The following RBFOX3 variants were observed in gnomAD, a reference collection of about 807,000 sequenced individuals.
The protein encoded by RBFOX3 is RNA binding fox-1 homolog 3.
Under a neutral mutation model 48.7 loss-of-function variants are expected in RBFOX3, and 17 were observed. The observed-to-expected ratio is 0.35, with a 90% confidence interval of 0.24 to 0.52. The LOEUF is 0.52. Among genes scored for constraint, RBFOX3 ranks in the 20% least tolerant of loss-of-function variants. RBFOX3 has a pLI of 0.94. For synonymous variants in RBFOX3, 212 were observed against 209.5 expected (o/e 1.01, Z -0.10); for missense variants, 382 against 497.5 (o/e 0.77, Z 2.21).
chr17:79,595,315 C>T (rs2093539574), intron 1 of RBFOX3, among the ~76,000 whole-genome samples: 1 of 152,218 alleles, frequency 6.6e-6, no homozygotes, highest in African/African-American at 2.4e-5. Flanking sequence ...CACTGAGGCC[C>T]ACCGTGCCCC....
intron 3 of RBFOX3, among the ~76,000 whole-genome samples, chr17:79,302,722 T>C (rs1231557906): frequency 2.6e-5 from 4 of 152,186 alleles, no homozygotes. Flanking sequence ...TGATACCAAG[T>C]CCCAGGCTTC....
intron 4 of RBFOX3, among the ~76,000 whole-genome samples, chr17:79,224,433 TG>T (rs1182538224): frequency 1.3e-5 from 2 of 152,220 alleles, no homozygotes; most frequent in African/African-American, 2.4e-5. Context: ...TTTCCTCCTC[TG>T]GGCACACAGC....
At chr17:79,380,892 C>T (rs1052694164) in intron 2 of RBFOX3, among the ~76,000 whole-genome samples, 8 of 152,132 alleles carry the variant, frequency 5.3e-5, no homozygotes, top group African/African-American at 1.7e-4. Flanking sequence ...CATTGCTGCC[C>T]CAAGACCAGC....
chr17:79,517,895 A>G (rs2085483118), intron 1 of RBFOX3, among the ~76,000 whole-genome samples: 2 of 152,058 alleles, frequency 1.3e-5, no homozygotes, highest in East Asian at 1.9e-4. Context: ...CAGATCCCTC[A>G]CCTTCTTGAA....
the RBFOX3 span, among the ~76,000 whole-genome samples, chr17:79,642,883 G>A: frequency 7.2e-5 from 11 of 152,226 alleles, no homozygotes; most frequent in African/African-American, 2.2e-4. Flanking sequence ...AATATAGATC[G>A]AGCACTTTTT....
chr17:79,414,915 C>A (rs544881827), intron 2 of RBFOX3, among the ~76,000 whole-genome samples: 3 of 152,228 alleles, frequency 2.0e-5, no homozygotes, highest in Non-Finnish European at 4.4e-5. Context: ...GCCAGGGCAG[C>A]GGGAGGGGCC....
At chr17:79,452,287 C>T (rs782139962) in intron 2 of RBFOX3, among the ~76,000 whole-genome samples, 3 of 152,108 alleles carry the variant, frequency 2.0e-5, no homozygotes, top group Non-Finnish European at 2.9e-5. Context: ...ATCGGCAGTG[C>T]AGGATGGAGG....
At chr17:79,399,009 T>C (rs938048250) in intron 2 of RBFOX3, among the ~76,000 whole-genome samples, 2 of 152,150 alleles carry the variant, frequency 1.3e-5, no homozygotes, top group African/African-American at 4.8e-5. Flanking sequence ...AAACACCGTG[T>C]GAAGACATGC....
At position 79,476,618 on chromosome 17, in the gene RBFOX3, G is replaced by T. The variant is rs868947621; in HGVS notation, c.-175+5836C>A. Among the ~76,000 whole-genome samples the T allele has an allele frequency of 8.2e-3, 1,245 of 152,314 alleles. 24 individuals carry two copies. The highest frequency in any genetic ancestry group is 0.029 in the African/African-American group (1,192 of 41,560). On this transcript the variant is annotated intron_variant, in intron 2 of 14. Transcript: ENST00000693108. ...CCCTTGAAGGGGAAAGGAAAGAGGG[G>T]ATAAGGCATCTCTGATGTCTTCTCA...
intron 3 of RBFOX3, among the ~76,000 whole-genome samples, chr17:79,237,852 G>C (rs140808923): frequency 0.011 from 1,669 of 152,348 alleles, 16 homozygotes; most frequent in Admixed American, 0.017. Flanking sequence ...AGGTGTGATT[G>C]GAAGGCACTG....
chr17:79,146,066 C>T (rs563250993), intron 4 of RBFOX3, among the ~76,000 whole-genome samples: 75 of 152,228 alleles, frequency 4.9e-4, no homozygotes, highest in Middle Eastern at 3.4e-3. Context: ...AATCTAATGC[C>T]GCTGCTGATC....
chr17:79,596,724 C>CAGAT (rs1485156483), intron 1 of RBFOX3, among the ~76,000 whole-genome samples: 3 of 151,978 alleles, frequency 2.0e-5, no homozygotes, highest in Admixed American at 6.5e-5. Context: ...GAGCTGCAGA[C>CAGAT]GCCCATCAGG....
chr17:79,611,642 A>G (rs2093970888), upstream of RBFOX3, among the ~76,000 whole-genome samples: 1 of 152,106 alleles, frequency 6.6e-6, no homozygotes, highest in African/African-American at 2.4e-5. Flanking sequence ...GATCCCCAGC[A>G]ATGGGACGTG....
chr17:79,206,092 G>T (rs2057441650), intron 4 of RBFOX3, among the ~76,000 whole-genome samples: 1 of 152,146 alleles, frequency 6.6e-6, no homozygotes, highest in Non-Finnish European at 1.5e-5. Flanking sequence ...GTCAGAGGGT[G>T]CGAGGTAAAG....
At position 79,443,432 on chromosome 17, in the gene RBFOX3, AGTGCAG is replaced by A. The variant is rs1555736249; in HGVS notation, c.-175+39016_-175+39021del. On this transcript the variant is annotated intron_variant, in intron 2 of 14. Coordinates refer to ENST00000693108, the MANE Select transcript of RBFOX3 (RefSeq NM_001350451.2). This position sits in a 1 kb window ranked among gnomAD's most constrained non-coding sequence, Gnocchi z 4.4. ...AGTCTTGCTCTGTCGCCCAGGCTGG[AGTGCAG>A]TGGCTCGATCTCGGCTCGCTGCAAC... Among the ~76,000 whole-genome samples, 1 of 151,866 alleles carries A rather than the reference AGTGCAG, an allele frequency of 6.6e-6. No individual in the cohort carries two copies. Among genetic ancestry groups the A allele is most frequent in the African/African-American group, 2.4e-5 (1 of 41,318 alleles).
At chr17:79,444,206 A>G (rs2071762224) in intron 2 of RBFOX3, among the ~76,000 whole-genome samples, 1 of 152,144 alleles carries the variant, frequency 6.6e-6, no homozygotes. Context: ...CCGGACACCC[A>G]CTTCAGGTTT....
intron 2 of RBFOX3, among the ~76,000 whole-genome samples, chr17:79,415,235 A>G (rs2065136792): frequency 6.6e-6 from 1 of 152,210 alleles, no homozygotes; most frequent in Admixed American, 6.5e-5. Context: ...TATTCGTTTA[A>G]GCCCAGATGA....
At chr17:79,653,210 A>C in the RBFOX3 span, among the ~76,000 whole-genome samples, 1 of 152,216 alleles carries the variant, frequency 6.6e-6, no homozygotes. Context: ...AGGAACATGC[A>C]CGTCGGCACA....
intron 1 of RBFOX3, among the ~76,000 whole-genome samples, chr17:79,495,070 G>A (rs34530927): frequency 0.26 from 39,043 of 151,808 alleles, 5,112 homozygotes; most frequent in Admixed American, 0.3. Context: ...ATCCCCATGC[G>A]TGCTTCCCCA....
Sources: gnomAD v4.1 joint callset for allele counts (sites outside exome capture counted in the v4.1 genomes callset) on GRCh38, gnomAD v4.1.1 for gene constraint, Gnocchi (gnomAD v3.1) non-coding constraint, MANE v1.5 for transcripts, NCBI Gene and HGNC (gene_info 2026-07-23, HGNC 2026-07-21) for gene names.